The following STRC variants were observed in gnomAD, a reference collection of about 807,000 sequenced individuals.
STRC encodes stereocilin.
STRC carries 43 observed loss-of-function variants against 103.5 expected under a neutral mutation model. The ratio of observed to expected loss-of-function variants is 0.42; its 90% CI spans 0.33 to 0.54. STRC has a LOEUF of 0.54. Among genes scored for constraint, STRC ranks in the 20% least tolerant of loss-of-function variants. The pLI is 0.14. For synonymous variants in STRC, 186 were observed against 442.3 expected (o/e 0.42, Z 7.27); for missense variants, 499 against 1,088.5 (o/e 0.46, Z 7.62).
intron 22 of STRC, 150 bp from the exon 23 acceptor site, chr15:43,603,561 G>T: frequency 2.3e-6 from 2 of 857,984 alleles, no homozygotes; most frequent in East Asian, 2.5e-5. Flanking sequence ...AATATGTATA[G>T]GGCTTAGGAG....
Position 43,608,073 on chromosome 15 carries a change from C to G in STRC, c.3681+7G>C. The G allele has an allele frequency of 5.6e-6, 9 of 1,610,696 alleles. No individual in the cohort carries two copies. Among genetic ancestry groups the G allele is most frequent in the South Asian group, 3.3e-5 (3 of 91,026 alleles). ...GCTCCCACTAAAGTCCAGGCACCCC[C>G]TCTCACCAGGCTCCCTCGAACTCTA... On this transcript the variant is annotated splice_region_variant and intron_variant, in intron 17 of 28. Transcript: ENST00000450892.
intron 19 of STRC, 108 bp downstream of exon 19, chr15:43,605,156 C>T (rs1301881325): frequency 3.9e-6 from 6 of 1,550,888 alleles, no homozygotes; most frequent in East Asian, 2.4e-5. Context: ...ATCTGTTTGG[C>T]AGCAAGAAAG....
rs1384099557 is a variant in STRC, at chr15:43,600,190, A to C, written c.5091+6T>G. ...CCTGTGGTCACCCCAGTCCATTAATACTTACAGCAAATTTAGGAGGAGGGA... is the reference window on the plus strand; with the variant it reads ...CCTGTGGTCACCCCAGTCCATTAATCCTTACAGCAAATTTAGGAGGAGGGA... On this transcript the variant is annotated splice_donor_region_variant and intron_variant, in intron 27 of 28. Transcript: ENST00000450892. 9 of 1,454,290 alleles carry C rather than the reference A, an allele frequency of 6.2e-6. No homozygotes were observed. The highest frequency in any genetic ancestry group is 7.6e-6 in the Non-Finnish European group (8 of 1,053,492). The allele number at this position is 1,454,290 out of a possible 1,614,324, so 90.1% of individuals were successfully genotyped here.
Position 43,601,259 on chromosome 15 carries a change from A to G in STRC, c.4701+137T>C, listed in dbSNP as rs185244648. On this transcript the variant is annotated intron_variant, in intron 24 of 28. Transcript: ENST00000450892. Reference sequence around the variant, plus strand: ...AATCAGAGTCCTGAAGGTCACTAGTATGGGGTATCAACAAAAGATAGAAAG... The same window carrying G: ...AATCAGAGTCCTGAAGGTCACTAGTGTGGGGTATCAACAAAAGATAGAAAG... 5.9e-6 allele frequency: 8 copies of G among 1,349,456 alleles called. No homozygotes were observed. In the Admixed American group the frequency reaches 1.1e-4, roughly 19 times the overall value. 83.6% of individuals were successfully genotyped at this position (1,349,456 alleles called of 1,614,324 possible). A position where few individuals can be genotyped will look rare whatever the true frequency, so the allele number is the denominator to read the frequency against.
At chr15:43,607,492 T>C (rs368695519) in intron 18 of STRC, among the ~76,000 whole-genome samples, 117 of 147,186 alleles carry the variant, frequency 7.9e-4, no homozygotes, top group African/African-American at 1.8e-3. Context: ...TCTCTCGATC[T>C]ACTCCTCTGA....
intron 22 of STRC, 112 bp downstream of exon 22, chr15:43,603,884 T>G: frequency 1.3e-6 from 2 of 1,564,850 alleles, no homozygotes; most frequent in South Asian, 1.2e-5. Context: ...CTCTAAACTC[T>G]TTGCTTTATA....
intron 26 of STRC, 37 bp downstream of exon 26, chr15:43,600,497 C>T: frequency 1.2e-6 from 2 of 1,609,430 alleles, no homozygotes; most frequent in Non-Finnish European, 1.7e-6. Flanking sequence ...GTATAGAAAC[C>T]AAACCAACTT....
chr15:43,608,456 G>C (rs2085726453), intron 16 of STRC, among the ~76,000 whole-genome samples: 1 of 142,936 alleles, frequency 7.0e-6, no homozygotes, highest in South Asian at 2.3e-4. Flanking sequence ...ACTGAAACTA[G>C]AGCCATGTCT....
chr15:43,600,469 C>T, intron 26 of STRC, 65 bp downstream of exon 26: 1 of 1,599,906 alleles, frequency 6.3e-7, no homozygotes, highest in Non-Finnish European at 8.6e-7. Context: ...GGGCAGTCTT[C>T]CATCCAGTCC....
Position 43,604,157 on chromosome 15 carries a change from A to C in STRC, c.4219-5T>G. 6.2e-7 allele frequency: 1 copy of C among 1,609,118 alleles called. No individual in the cohort carries two copies. Among genetic ancestry groups the C allele is most frequent in the Non-Finnish European group, 8.5e-7 (1 of 1,177,986 alleles). ...GGTCTCTGGACCCAAGGCCTCCTGC[A>C]TGAGAAGGTAGAAGGAGAGTGGGGA... is the stretch of plus-strand genomic sequence containing the variant. On this transcript the variant is annotated splice_polypyrimidine_tract_variant and splice_region_variant and intron_variant, in intron 21 of 28. Coordinates refer to ENST00000450892, the MANE Select transcript of STRC (RefSeq NM_153700.2).
chr15:43,604,226 A>G (rs1427106987), intron 21 of STRC, 74 bp from the exon 22 acceptor site: 2 of 1,602,922 alleles, frequency 1.2e-6, no homozygotes, highest in African/African-American at 2.7e-5. Context: ...CTAAGTCCAA[A>G]GTCCTGTCTC....
intron 18 of STRC, 117 bp from the exon 19 acceptor site, chr15:43,605,516 C>G: frequency 6.6e-7 from 1 of 1,526,508 alleles, no homozygotes; most frequent in South Asian, 1.2e-5. Context: ...TTTAGTGAAG[C>G]TGGACAGGAA....
At position 43,603,331 on chromosome 15, in the gene STRC, A is replaced by C. The variant is rs760156391; in HGVS notation, c.4456T>G (p.Ser1486Ala). ...SATQIAEMEL[S>A]DFEDCLTLFA... ...AATGTCAGGCAGTCCTCAAAGTCTG[A>C]GAGCTCCATCTCTGCAATCTGGGTT... The change falls in exon 23 of 29, where the codon TCA becomes GCA. Residue 1486 changes from serine (S) to alanine (A), a missense_variant. Ser to Ala is a moderately conservative substitution (Grantham distance 99). Coordinates refer to ENST00000450892, the MANE Select transcript of STRC (RefSeq NM_153700.2). 1.9e-6 allele frequency: 3 copies of C among 1,613,760 alleles called. No individual in the cohort carries two copies. The highest frequency in any genetic ancestry group is 2.7e-5 in the African/African-American group (2 of 74,858).
chr15:43,606,504 G>T lies in STRC; in HGVS notation c.3795-1105C>A, dbSNP rs543890951. Among the ~76,000 whole-genome samples the T allele has an allele frequency of 4.3e-4, 65 of 151,298 alleles. 2 individuals carry two copies. The South Asian group carries it at 0.011, about 25-fold the overall frequency. Reference sequence around the variant, plus strand: ...AATCCCAGCTACTCAGCAGGCTGAGGCAGGAGAATTGCTTGAACCCCAGAG... The same window carrying T: ...AATCCCAGCTACTCAGCAGGCTGAGTCAGGAGAATTGCTTGAACCCCAGAG... On this transcript the variant is annotated intron_variant, in intron 18 of 28. Coordinates refer to ENST00000450892, the MANE Select transcript of STRC (RefSeq NM_153700.2).
At chr15:43,602,780 GACA>G (rs1480824138) in intron 23 of STRC, 2 of 200,228 alleles carry the variant, frequency 1.0e-5, no homozygotes, top group South Asian at 8.4e-5. Flanking sequence ...AAGTAGCTGG[GACA>G]ACAAGTGTGC....
intron 28 of STRC, 88 bp from the exon 29 acceptor site, chr15:43,599,848 C>T: frequency 1.8e-6 from 1 of 559,878 alleles, no homozygotes; most frequent in Admixed American, 3.0e-5. Flanking sequence ...CCTGTAGACT[C>T]CTTCACTCCA....
chr15:43,607,304 AC>A (rs2085717670), intron 18 of STRC, among the ~76,000 whole-genome samples: 3 of 130,976 alleles, frequency 2.3e-5, no homozygotes, highest in Admixed American at 7.8e-5. Context: ...TTAGGCTCGA[AC>A]AGCTCCAAGG....
intron 24 of STRC, 110 bp from the exon 25 acceptor site, chr15:43,601,124 G>A: frequency 1.1e-6 from 1 of 906,934 alleles, no homozygotes; most frequent in Non-Finnish European, 1.7e-6. Context: ...AAGACCTAAG[G>A]AGTCATGGGG....
At chr15:43,603,546 A>G (rs2085689509) in intron 22 of STRC, 135 bp from the exon 23 acceptor site, 1 of 984,066 alleles carries the variant, frequency 1.0e-6, no homozygotes, top group Non-Finnish European at 1.6e-6. Context: ...GGAGTATTAC[A>G]GAGTAATATG....
Sources: allele counts gnomAD v4.1 joint callset (sites outside exome capture counted in the v4.1 genomes callset), GRCh38; gene constraint gnomAD v4.1.1; transcripts MANE v1.5; gene names NCBI Gene and HGNC (gene_info 2026-07-23, HGNC 2026-07-21).